Variants in LEKR1 observed in about 807,000 individuals in gnomAD.
LEKR1 encodes leucine, glutamate and lysine rich 1.
A neutral mutation model predicts 72.4 loss-of-function variants in LEKR1; 59 were observed. The observed-to-expected ratio is 0.82, with a 90% CI of 0.66 to 1.01. LEKR1 has a LOEUF of 1.01. Ranked by LOEUF, LEKR1 falls within the 50% of genes least tolerant of loss-of-function variation. The pLI, the probability that LEKR1 is intolerant of heterozygous loss-of-function variation, is 0.00. For missense variants in LEKR1, 728 were observed against 759.2 expected, an observed-to-expected ratio of 0.96 and a Z score of 0.48; for synonymous variants, 257 against 263.2, an observed-to-expected ratio of 0.98 and a Z score of 0.23.
At chr3:156,958,707 C>T (rs140553538) in intron 6 of LEKR1, among the ~76,000 whole-genome samples, 83 of 152,260 alleles carry the variant, frequency 5.5e-4, no homozygotes, top group African/African-American at 2.0e-3. Context: ...CGCCAGCCAA[C>T]GGGCCTTCTC....
intron 2 of LEKR1, among the ~76,000 whole-genome samples, chr3:156,845,879 A>G (rs1456505749): frequency 2.0e-5 from 3 of 152,124 alleles, no homozygotes; most frequent in Admixed American, 1.3e-4. Context: ...TGAGATTTTG[A>G]TAGAAATTGG....
intron 6 of LEKR1, among the ~76,000 whole-genome samples, chr3:156,964,446 G>C (rs564574483): frequency 6.6e-6 from 1 of 152,028 alleles, no homozygotes; most frequent in East Asian, 1.9e-4. Context: ...ATATATCTCT[G>C]AGTATTGCCT....
chr3:156,874,141 T>G (rs1020330379), intron 3 of LEKR1, among the ~76,000 whole-genome samples: 1 of 152,138 alleles, frequency 6.6e-6, no homozygotes, highest in African/African-American at 2.4e-5. Flanking sequence ...TACTCTATTA[T>G]TTAAGCTTTC....
chr3:156,898,636 A>G (rs989572340), intron 3 of LEKR1, among the ~76,000 whole-genome samples: 10 of 152,178 alleles, frequency 6.6e-5, no homozygotes, highest in African/African-American at 1.4e-4. Context: ...ACTAAGGTGC[A>G]TAATAAAATC....
chr3:157,045,311 C>T (rs1735670334), intron 12 of LEKR1, 29 bp from the exon 13 acceptor site: 1 of 1,575,000 alleles, frequency 6.3e-7, no homozygotes, highest in African/African-American at 1.4e-5. Context: ...AAAGCTAAGT[C>T]TGCTTTCTTT....
intron 2 of LEKR1, 82 bp from the exon 3 acceptor site, chr3:156,852,686 A>G (rs961427522): frequency 3.0e-6 from 2 of 671,486 alleles, no homozygotes; most frequent in East Asian, 2.7e-5. Flanking sequence ...ACTTCATTCA[A>G]CCAGCATGGC....
chr3:156,838,153 G>A (rs570694776), intron 2 of LEKR1, among the ~76,000 whole-genome samples: 7 of 152,280 alleles, frequency 4.6e-5, no homozygotes, highest in Admixed American at 4.6e-4. Flanking sequence ...GGGGTGGGGT[G>A]TTCTCCAACC....
chr3:156,968,806 C>T (rs1335184323), intron 6 of LEKR1, among the ~76,000 whole-genome samples: 1 of 152,198 alleles, frequency 6.6e-6, no homozygotes, highest in African/African-American at 2.4e-5. Flanking sequence ...CACCCCAAAT[C>T]AACAGAATAT....
intron 2 of LEKR1, among the ~76,000 whole-genome samples, chr3:156,836,782 T>C (rs1713198547): frequency 6.6e-6 from 1 of 152,172 alleles, no homozygotes; most frequent in South Asian, 2.1e-4. Flanking sequence ...AAGCTGTCCA[T>C]GGAGAAGAAA....
intron 6 of LEKR1, among the ~76,000 whole-genome samples, chr3:156,953,413 T>A (rs981346141): frequency 1.3e-5 from 2 of 151,614 alleles, no homozygotes; most frequent in Non-Finnish European, 3.0e-5. Flanking sequence ...CAGGTAAACG[T>A]GTGCCATAGT....
At chr3:156,860,485 G>T (rs1716641646) in intron 3 of LEKR1, among the ~76,000 whole-genome samples, 1 of 152,170 alleles carries the variant, frequency 6.6e-6, no homozygotes, top group Non-Finnish European at 1.5e-5. Flanking sequence ...AGAGCAGTCA[G>T]CCCAAGGATA....
intron 3 of LEKR1, among the ~76,000 whole-genome samples, chr3:156,879,665 T>C (rs1486781724): frequency 1.3e-5 from 2 of 152,182 alleles, no homozygotes; most frequent in African/African-American, 2.4e-5. Flanking sequence ...GCCCCTTCCA[T>C]CACAGGCCTG....
chr3:156,919,949 GA>G (rs2108572369), intron 3 of LEKR1, among the ~76,000 whole-genome samples: 1 of 151,972 alleles, frequency 6.6e-6, no homozygotes, highest in East Asian at 1.9e-4. Context: ...ACTTCTTACC[GA>G]AAGCCACACA....
At chr3:157,036,128 G>T (rs1282010212) in intron 12 of LEKR1, among the ~76,000 whole-genome samples, 1 of 151,734 alleles carries the variant, frequency 6.6e-6, no homozygotes, top group Non-Finnish European at 1.5e-5. Flanking sequence ...GAAACAATAA[G>T]CAAAAAAGAA....
intron 10 of LEKR1, 140 bp from the exon 11 acceptor site, chr3:157,024,620 T>A (rs1734063222): frequency 1.4e-6 from 1 of 699,082 alleles, no homozygotes; most frequent in Non-Finnish European, 2.3e-6. Context: ...CACACTTTTT[T>A]TTGAACACTA....
intron 3 of LEKR1, among the ~76,000 whole-genome samples, chr3:156,895,607 T>C (rs1275430195): frequency 1.3e-5 from 2 of 151,152 alleles, no homozygotes; most frequent in Non-Finnish European, 2.9e-5. Flanking sequence ...GGAGACCTTG[T>C]CTCAAAAAAA....
At chr3:156,868,435 C>G (rs1439417622) in intron 3 of LEKR1, among the ~76,000 whole-genome samples, 4 of 151,980 alleles carry the variant, frequency 2.6e-5, no homozygotes, top group Non-Finnish European at 5.9e-5. Flanking sequence ...AGGAATGTAT[C>G]TTACCTACTG....
At chr3:156,847,182 G>A (rs1189902946) in intron 2 of LEKR1, among the ~76,000 whole-genome samples, 1 of 152,158 alleles carries the variant, frequency 6.6e-6, no homozygotes, top group Non-Finnish European at 1.5e-5. Context: ...CCTAGTTGAA[G>A]CACAGACAGG....
Position 156,916,250 on chromosome 3 carries a change from T to C in LEKR1, c.264-4325T>C, listed in dbSNP as rs551887877. 3.3e-5 allele frequency among the ~76,000 whole-genome samples: 5 copies of C among 152,278 alleles called. 1 individual carries two copies. Among genetic ancestry groups the C allele is most frequent in the Middle Eastern group, 6.8e-3 (2 of 294 alleles). ...ATTGCTTTGTCTATTTGGGCTCTTT[T>C]TTTTTGTTCCATATGTATTTTAAAA... On this transcript the variant is annotated intron_variant, in intron 3 of 12. Transcript: ENST00000356539.
Sources: allele counts gnomAD v4.1 joint callset (sites outside exome capture counted in the v4.1 genomes callset), GRCh38; gene constraint gnomAD v4.1.1; transcripts MANE v1.5; gene names NCBI Gene and HGNC (gene_info 2026-07-23, HGNC 2026-07-21).